GABBR2: variants seen among roughly 807,000 people sequenced by gnomAD.
GABBR2 encodes the protein gamma-aminobutyric acid type B receptor subunit 2, also known as G-protein coupled receptor 51.
Under a neutral mutation model 105.6 loss-of-function variants are expected in GABBR2, and 23 were observed. The observed-to-expected ratio is 0.22, with a 90% CI of 0.16 to 0.31. The LOEUF is 0.31. GABBR2 is among the 10% of genes least tolerant of loss of function. The probability of loss-of-function intolerance (pLI) is 1.00; values close to 1 mark genes in which losing one functional copy is unlikely to be tolerated. For missense variants in GABBR2, 734 were observed against 1,245.5 expected (o/e 0.59, Z 6.18); for synonymous variants, 478 against 499.7 (o/e 0.96, Z 0.58).
chr9:98,425,402 G>A (rs1175430273), intron 7 of GABBR2, among the ~76,000 whole-genome samples: 1 of 152,166 alleles, frequency 6.6e-6, no homozygotes, highest in Non-Finnish European at 1.5e-5. Flanking sequence ...CAGAGTTGAG[G>A]AGGTCTGTGC....
intron 1 of GABBR2, among the ~76,000 whole-genome samples, chr9:98,699,589 A>G (rs1206077819): frequency 1.3e-5 from 2 of 152,198 alleles, no homozygotes; most frequent in African/African-American, 4.8e-5. Flanking sequence ...GCCCTGAGAT[A>G]GTGCCTAGGG....
At chr9:98,645,301 G>A (rs1000789642) in intron 1 of GABBR2, among the ~76,000 whole-genome samples, 2 of 152,180 alleles carry the variant, frequency 1.3e-5, no homozygotes, top group African/African-American at 4.8e-5. Context: ...TGTCAGAGCT[G>A]GGAGACTAAA....
chr9:98,669,645 T>C (rs1007286144), intron 1 of GABBR2, among the ~76,000 whole-genome samples: 4 of 152,210 alleles, frequency 2.6e-5, no homozygotes, highest in African/African-American at 9.7e-5. Flanking sequence ...TGTTTTGTTT[T>C]GCTTTATGTT....
At chr9:98,620,778 G>T (rs1003456193) in intron 1 of GABBR2, among the ~76,000 whole-genome samples, 1 of 152,112 alleles carries the variant, frequency 6.6e-6, no homozygotes. Flanking sequence ...TTATTGCTCC[G>T]GTGGAGGGAG....
chr9:98,577,284 C>A (rs1406275460), intron 2 of GABBR2, among the ~76,000 whole-genome samples: 1 of 60,140 alleles, frequency 1.7e-5, no homozygotes, highest in African/African-American at 6.8e-5. Context: ...TCATATAGTT[C>A]TACACTCTTC....
chr9:98,580,749 T>C (rs1286018119), intron 1 of GABBR2, among the ~76,000 whole-genome samples: 1 of 152,182 alleles, frequency 6.6e-6, no homozygotes, highest in African/African-American at 2.4e-5. Context: ...GATCGCGCCC[T>C]GCACTCCAGC....
At position 98,485,812 on chromosome 9, in the gene GABBR2, A is replaced by T. The variant is rs186864444; in HGVS notation, c.733-4815T>A. On this transcript the variant is annotated intron_variant, in intron 4 of 18. Coordinates refer to ENST00000259455, the MANE Select transcript of GABBR2 (RefSeq NM_005458.8). ...CTGGTACACCCGCCCGGCTGCAGTGAGGGTGGGCTGCTGACAGCTCACTCC... is the reference window on the plus strand; with the variant it reads ...CTGGTACACCCGCCCGGCTGCAGTGTGGGTGGGCTGCTGACAGCTCACTCC... Among the ~76,000 whole-genome samples, 46 of 152,270 alleles carry T rather than the reference A, an allele frequency of 3.0e-4. No homozygotes were observed. In the East Asian group the frequency reaches 6.2e-3, roughly 21 times the overall value.
intron 1 of GABBR2, among the ~76,000 whole-genome samples, chr9:98,665,771 T>C (rs988334752): frequency 1.3e-5 from 2 of 152,202 alleles, no homozygotes; most frequent in African/African-American, 4.8e-5. Flanking sequence ...ACTTCTCACA[T>C]TGCTGAACGT....
intron 7 of GABBR2, among the ~76,000 whole-genome samples, chr9:98,414,404 G>A (rs900930153): frequency 5.3e-5 from 8 of 152,186 alleles, no homozygotes; most frequent in Admixed American, 3.9e-4. Flanking sequence ...AGCTGTAAAT[G>A]GTCATTGAAG....
At chr9:98,661,030 G>T (rs2151074) in intron 1 of GABBR2, among the ~76,000 whole-genome samples, 141,583 of 152,322 alleles carry the variant, frequency 0.93, 65,931 homozygotes, top group African/African-American at 0.97. Context: ...TTCAGCCTCC[G>T]GAGTAGCTGG....
At chr9:98,460,810 C>T (rs1260136929) in intron 6 of GABBR2, among the ~76,000 whole-genome samples, 4 of 122,078 alleles carry the variant, frequency 3.3e-5, no homozygotes, top group Non-Finnish European at 6.0e-5. Context: ...TCTATGAACT[C>T]CAGGCAAGAT....
intron 1 of GABBR2, among the ~76,000 whole-genome samples, chr9:98,611,886 G>A (rs543369827): frequency 4.5e-5 from 6 of 134,082 alleles, no homozygotes; most frequent in African/African-American, 1.0e-4. Context: ...GCAATTGACC[G>A]AGGAGCCATG....
At chr9:98,374,784 C>T (rs112169470) in intron 11 of GABBR2, among the ~76,000 whole-genome samples, 2 of 152,114 alleles carry the variant, frequency 1.3e-5, no homozygotes, top group Non-Finnish European at 2.9e-5. Flanking sequence ...ACTTTGCCTC[C>T]CCACGTGCCT....
chr9:98,298,038 T>C (rs1830410145), intron 17 of GABBR2, among the ~76,000 whole-genome samples: 1 of 107,480 alleles, frequency 9.3e-6, no homozygotes, highest in Admixed American at 8.8e-5. Flanking sequence ...TGAGACTCCA[T>C]CTTAAAAAAA....
chr9:98,589,018 G>A (rs149583123), intron 1 of GABBR2, among the ~76,000 whole-genome samples: 164 of 152,338 alleles, frequency 1.1e-3, no homozygotes, highest in Admixed American at 2.2e-3. Flanking sequence ...GCCTCCAGGT[G>A]TGGCGTCTTT....
intron 7 of GABBR2, among the ~76,000 whole-genome samples, chr9:98,423,604 G>A (rs574790008): frequency 2.9e-3 from 445 of 152,310 alleles, no homozygotes; most frequent in Non-Finnish European, 4.1e-3. Flanking sequence ...AAGCACTTTA[G>A]TTTAATTAGA....
intron 7 of GABBR2, among the ~76,000 whole-genome samples, chr9:98,425,252 C>T (rs1484867714): frequency 2.7e-5 from 4 of 149,558 alleles, no homozygotes; most frequent in African/African-American, 1.0e-4. Flanking sequence ...ATGAATGTAA[C>T]AGAGCCGAGC....
At chr9:98,596,248 AATTC>A (rs766747331) in intron 1 of GABBR2, among the ~76,000 whole-genome samples, 2 of 152,248 alleles carry the variant, frequency 1.3e-5, no homozygotes, top group Non-Finnish European at 2.9e-5. Flanking sequence ...AGGTCAGATG[AATTC>A]ATTCATTCAA....
chr9:98,473,477 T>C (rs1826726779), intron 5 of GABBR2, 131 bp from the exon 6 acceptor site: 2 of 624,320 alleles, frequency 3.2e-6, no homozygotes, highest in Non-Finnish European at 5.7e-6. Context: ...ACTTGTTTGG[T>C]TTCTTCCTTG....
Sources: allele counts gnomAD v4.1 joint callset (sites outside exome capture counted in the v4.1 genomes callset), GRCh38; gene constraint gnomAD v4.1.1; transcripts MANE v1.5; gene names NCBI Gene and HGNC (gene_info 2026-07-23, HGNC 2026-07-21).